The following LY9 variants were observed in gnomAD, a reference collection of about 807,000 sequenced individuals.
The protein encoded by LY9 is lymphocyte antigen 9, also known as T-lymphocyte surface antigen Ly-9.
In LY9, 59 loss-of-function variants were observed where a neutral mutation model predicts 64.6. The observed-to-expected ratio is 0.91, with a 90% CI of 0.74 to 1.13. The LOEUF is 1.13. Among genes scored for constraint, LY9 ranks in the 50% most tolerant of loss-of-function variants. The probability of loss-of-function intolerance (pLI) is 0.00; values close to 1 mark genes in which losing one functional copy is unlikely to be tolerated. For missense variants in LY9, 789 were observed against 797.2 expected, an observed-to-expected ratio of 0.99 and a Z score of 0.12; for synonymous variants, 281 against 308.5, an observed-to-expected ratio of 0.91 and a Z score of 0.93.
intron 4 of LY9, among the ~76,000 whole-genome samples, chr1:160,816,021 A>T (rs531519): frequency 6.6e-6 from 1 of 152,190 alleles, no homozygotes; most frequent in Non-Finnish European, 1.5e-5. Flanking sequence ...TTAAAATATG[A>T]AGCAAGTCGG....
chr1:160,797,381 C>T lies in LY9; in HGVS notation c.124+1070C>T, dbSNP rs1292807653. 4.7e-6 allele frequency: 3 copies of T among 645,072 alleles called. No individual in the cohort carries two copies. The African/African-American group carries it at 5.9e-5, about 13-fold the overall frequency. 40.0% of individuals were successfully genotyped at this position (645,072 alleles called of 1,614,324 possible). A position where few individuals can be genotyped will look rare whatever the true frequency, so the allele number is the denominator to read the frequency against. ...ATGGGTGAACGAGGAGCCTAGACCT[C>T]AGAGCTGAGGTCCAGTCTGACCTCT... On this transcript the variant is annotated intron_variant, in intron 1 of 9. Transcript: ENST00000263285.
At chr1:160,804,324 C>T (rs772062915) in intron 2 of LY9, among the ~76,000 whole-genome samples, 2 of 151,976 alleles carry the variant, frequency 1.3e-5, no homozygotes, top group African/African-American at 2.4e-5. Flanking sequence ...ATCAAGTGCT[C>T]TTTCTATAAC....
intron 2 of LY9, chr1:160,801,969 G>T (rs370729083): frequency 4.4e-5 from 70 of 1,598,196 alleles, no homozygotes; most frequent in Middle Eastern, 1.7e-4. Flanking sequence ...CCACCTCACC[G>T]CCGCGCAGCA....
chr1:160,813,892 T>C lies in LY9; in HGVS notation c.711T>C (p.His237=). 3.1e-6 allele frequency: 5 copies of C among 1,614,094 alleles called. No individual in the cohort carries two copies. Among genetic ancestry groups the C allele is most frequent in the Non-Finnish European group, 4.2e-6 (5 of 1,180,000 alleles). ...GCCAGAGAAGCTCCCTCCCTGTCCATGTTGGGCAGTTCTGTACAGGTAACT... is the reference window on the plus strand; with the variant it reads ...GCCAGAGAAGCTCCCTCCCTGTCCACGTTGGGCAGTTCTGTACAGGTAACT... ...PVSQRSSLPV[H]VGQFCTDPGA... The change falls in exon 3 of 10, where the codon CAT becomes CAC. Residue 237 remains histidine (H), a synonymous_variant. Transcript: ENST00000263285.
At chr1:160,802,829 TG>T (rs2101749726) in intron 2 of LY9, 1 of 236,928 alleles carries the variant, frequency 4.2e-6, no homozygotes, top group East Asian at 1.8e-4. Flanking sequence ...TCTGTTCCAT[TG>T]GTCTATGTGT....
chr1:160,824,044 C>G (rs1668692838), intron 8 of LY9, 137 bp from the exon 9 acceptor site: 1 of 1,032,414 alleles, frequency 9.7e-7, no homozygotes, highest in Non-Finnish European at 1.4e-6. Flanking sequence ...AGGCACCGTC[C>G]CCACTGCACT....
intron 1 of LY9, chr1:160,797,110 G>A (rs1570956112): frequency 2.0e-6 from 2 of 985,460 alleles, no homozygotes; most frequent in East Asian, 2.3e-4. Flanking sequence ...CCCTATCAAG[G>A]CCCAACTCCT....
intron 7 of LY9, among the ~76,000 whole-genome samples, chr1:160,822,760 G>A (rs962685672): frequency 2.0e-5 from 3 of 152,108 alleles, no homozygotes; most frequent in Admixed American, 6.6e-5. Context: ...GGGCCACACC[G>A]GCCCTCACAG....
chr1:160,827,363 T>C (rs1668912219), intron 9 of LY9, among the ~76,000 whole-genome samples: 1 of 152,216 alleles, frequency 6.6e-6, no homozygotes, highest in South Asian at 2.1e-4. Context: ...TCTGGACCAT[T>C]ACTTTGGAAC....
rs774539537 is a variant in LY9 at position 160,827,810 on chromosome 1, C to T, written c.1962C>T (p.Phe654=). 3.2e-5 allele frequency: 52 copies of T among 1,605,884 alleles called. No homozygotes were observed. In the South Asian group the frequency reaches 5.8e-4, roughly 18 times the overall value. The change falls in exon 10 of 10, where the codon TTC becomes TTT. Residue 654 remains phenylalanine (F), a synonymous_variant. Coordinates refer to ENST00000263285, the MANE Select transcript of LY9 (RefSeq NM_002348.4). The part of the protein sequence containing the change: ...EIPESPTYEN[F]T ...CTGAAAGTCCTACCTATGAAAATTT[C>T]ACCTGAAAGGAAAAGCAGCTGCTGC... is the stretch of plus-strand genomic sequence containing the variant.
chr1:160,814,161 G>A (rs1392874799), intron 3 of LY9, among the ~76,000 whole-genome samples: 2 of 152,202 alleles, frequency 1.3e-5, no homozygotes, highest in African/African-American at 4.8e-5. Flanking sequence ...AGTCCAGATT[G>A]GTCTTTGCTT....
At position 160,796,232 on chromosome 1, in the gene LY9, T is replaced by C; in HGVS notation, c.45T>C (p.Pro15=). ...KSHTDDWAPG[P]FSSKPQRSQL... ...ACACAGATGACTGGGCTCCTGGGCC[T>C]TTCTCCAGTAAGCCACAGAGGAGTC... Residue 15 remains proline, a synonymous_variant, in exon 1 of 10, where the codon CCT becomes CCC. Coordinates refer to ENST00000263285, the MANE Select transcript of LY9 (RefSeq NM_002348.4). 2 of 1,614,146 alleles carry C rather than the reference T, an allele frequency of 1.2e-6. No individual in the cohort carries two copies. Among genetic ancestry groups the C allele is most frequent in the Admixed American group, 3.3e-5 (2 of 60,020 alleles).
chr1:160,796,644 G>T (rs186121958), intron 1 of LY9, among the ~76,000 whole-genome samples: 2 of 152,268 alleles, frequency 1.3e-5, no homozygotes, highest in East Asian at 3.9e-4. Flanking sequence ...GCCCAGCTCA[G>T]CCACCTGAAG....
chr1:160,820,215 G>A (rs958042663), intron 7 of LY9, among the ~76,000 whole-genome samples: 1 of 152,080 alleles, frequency 6.6e-6, no homozygotes, highest in African/African-American at 2.4e-5. Flanking sequence ...TAAACTTCAG[G>A]AGACTGTACA....
At chr1:160,796,704 C>T (rs1465920315) in intron 1 of LY9, among the ~76,000 whole-genome samples, 1 of 152,148 alleles carries the variant, frequency 6.6e-6, no homozygotes, top group Non-Finnish European at 1.5e-5. Context: ...AATCGGGAAA[C>T]TCATCTCCTT....
chr1:160,796,221 G>T lies in LY9; in HGVS notation c.34G>T (p.Ala12Ser). The stretch of plus-strand genomic sequence containing the variant: ...ACCAAAGAGTCACACAGATGACTGG[G>T]CTCCTGGGCCTTTCTCCAGTAAGCC... ...VAPKSHTDDWAPGPFSSKPQR... is the reference protein window; with the variant it reads ...VAPKSHTDDWSPGPFSSKPQR... The change falls in exon 1 of 10, where the codon GCT becomes TCT. Residue 12 changes from alanine (A) to serine (S), a missense_variant. By Grantham distance (99) the Ala-to-Ser change is moderately conservative (BLOSUM62 1). Coordinates refer to ENST00000263285, the MANE Select transcript of LY9 (RefSeq NM_002348.4). The T allele has an allele frequency of 6.2e-7, 1 of 1,614,074 alleles. No homozygotes were observed. The highest frequency in any genetic ancestry group is 8.5e-7 in the Non-Finnish European group (1 of 1,179,982).
At chr1:160,797,409 T>C in intron 1 of LY9, 1 of 402,534 alleles carries the variant, frequency 2.5e-6, no homozygotes, top group Non-Finnish European at 3.4e-6. Flanking sequence ...TGACCTCTTT[T>C]CACTTTCAAT....
At chr1:160,826,252 G>C (rs1291756265) in intron 9 of LY9, among the ~76,000 whole-genome samples, 1 of 152,172 alleles carries the variant, frequency 6.6e-6, no homozygotes, top group Non-Finnish European at 1.5e-5. Context: ...ACATTGAGTA[G>C]GCTGAGGAGG....
chr1:160,820,640 T>C (rs1268444451), intron 7 of LY9, among the ~76,000 whole-genome samples: 1 of 151,956 alleles, frequency 6.6e-6, no homozygotes, highest in Non-Finnish European at 1.5e-5. Flanking sequence ...AGCCCTGGTG[T>C]CCCCCTGCCT....
Sources: allele counts gnomAD v4.1 joint callset (sites outside exome capture counted in the v4.1 genomes callset), GRCh38; gene constraint gnomAD v4.1.1; transcripts MANE v1.5; gene names NCBI Gene and HGNC (gene_info 2026-07-23, HGNC 2026-07-21).